Variants in ARHGAP10 observed in about 807,000 individuals in gnomAD.
ARHGAP10 encodes Rho GTPase activating protein 10, also known as rho GTPase-activating protein 10.
Under a neutral mutation model 108.6 loss-of-function variants are expected in ARHGAP10, and 87 were observed. That is an observed-to-expected ratio of 0.80 (90% CI 0.67 to 0.96). ARHGAP10 has a LOEUF of 0.96. ARHGAP10 is among the 40% of genes least tolerant of loss of function. The pLI, the probability that ARHGAP10 is intolerant of heterozygous loss-of-function variation, is 0.00. For synonymous variants in ARHGAP10, 347 were observed against 341.1 expected (o/e 1.02, Z -0.19); for missense variants, 939 against 954.5 (o/e 0.98, Z 0.21).
intron 3 of ARHGAP10, among the ~76,000 whole-genome samples, chr4:147,845,089 C>G (rs536683197): frequency 1.6e-4 from 25 of 152,316 alleles, no homozygotes; most frequent in Non-Finnish European, 3.2e-4. Flanking sequence ...TGCTCAAACT[C>G]CTCACCTTCA....
chr4:148,045,020 T>G (rs1337967186), intron 19 of ARHGAP10, among the ~76,000 whole-genome samples: 1 of 152,168 alleles, frequency 6.6e-6, no homozygotes, highest in Non-Finnish European at 1.5e-5. Flanking sequence ...AACTGCCCTG[T>G]GGAGATACGG....
intron 10 of ARHGAP10, among the ~76,000 whole-genome samples, chr4:147,900,243 A>G (rs989053192): frequency 6.6e-6 from 1 of 152,160 alleles, no homozygotes; most frequent in Admixed American, 6.5e-5. Context: ...TGGTGATACC[A>G]TGTATTTGTA....
At chr4:147,866,690 C>T (rs1386145123) in intron 6 of ARHGAP10, 22 bp from the exon 7 acceptor site, 6 of 1,563,892 alleles carry the variant, frequency 3.8e-6, no homozygotes, top group African/African-American at 1.4e-5. Flanking sequence ...GTGCTAATAT[C>T]TCTTTTCTTC....
chr4:148,038,924 A>G (rs1287201968), intron 19 of ARHGAP10, among the ~76,000 whole-genome samples: 2 of 135,234 alleles, frequency 1.5e-5, no homozygotes, highest in South Asian at 2.1e-4. Flanking sequence ...TTTTGTTTCT[A>G]AAGTGGTGCC....
intron 1 of ARHGAP10, among the ~76,000 whole-genome samples, chr4:147,815,833 G>A (rs1377512213): frequency 3.3e-5 from 5 of 152,172 alleles, no homozygotes; most frequent in African/African-American, 7.2e-5. Flanking sequence ...GCCACTGCAC[G>A]CTAGTCTAGG....
intron 1 of ARHGAP10, among the ~76,000 whole-genome samples, chr4:147,793,568 A>G (rs1234248791): frequency 6.6e-6 from 1 of 152,190 alleles, no homozygotes; most frequent in Non-Finnish European, 1.5e-5. Context: ...AAGTTTGTCC[A>G]TCTCAGCCTG....
At position 147,965,684 on chromosome 4, in the gene ARHGAP10, C is replaced by G. The variant is rs138079760; in HGVS notation, c.1556+555C>G. Among the ~76,000 whole-genome samples, 61 of 152,216 alleles carry G rather than the reference C, an allele frequency of 4.0e-4. No homozygotes were observed. In the East Asian group the frequency reaches 0.011, roughly 28 times the overall value. On this transcript the variant is annotated intron_variant, in intron 17 of 22. Coordinates refer to ENST00000336498, the MANE Select transcript of ARHGAP10 (RefSeq NM_024605.4). Reference sequence around the variant, plus strand: ...TTTTACATATAAAGAAAATGAAGGTCAGAAGATACTGTGATTTGCCAAGGG... The same window carrying G: ...TTTTACATATAAAGAAAATGAAGGTGAGAAGATACTGTGATTTGCCAAGGG...
chr4:147,781,129 C>T (rs1272471486), intron 1 of ARHGAP10, among the ~76,000 whole-genome samples: 4 of 152,020 alleles, frequency 2.6e-5, no homozygotes, highest in Non-Finnish European at 4.4e-5. Flanking sequence ...GAGGCTGAGG[C>T]GGGCGGATCA....
intron 18 of ARHGAP10, among the ~76,000 whole-genome samples, chr4:148,008,974 C>A (rs1222981013): frequency 6.6e-6 from 1 of 151,942 alleles, no homozygotes; most frequent in Non-Finnish European, 1.5e-5. Context: ...TTGGAAAAAT[C>A]ATTATGTTAA....
intron 10 of ARHGAP10, among the ~76,000 whole-genome samples, chr4:147,899,842 A>C (rs1051663902): frequency 2.0e-5 from 3 of 150,000 alleles, no homozygotes; most frequent in African/African-American, 7.3e-5. Flanking sequence ...CCCTTCTCAT[A>C]ATAAAATGTA....
intron 10 of ARHGAP10, among the ~76,000 whole-genome samples, chr4:147,894,830 A>C (rs1418925182): frequency 3.3e-5 from 5 of 152,084 alleles, no homozygotes; most frequent in Non-Finnish European, 7.4e-5. Flanking sequence ...AAATCACTTG[A>C]CTGTGCATCT....
intron 8 of ARHGAP10, among the ~76,000 whole-genome samples, chr4:147,876,625 A>G (rs1476801347): frequency 6.6e-6 from 1 of 151,976 alleles, no homozygotes; most frequent in Non-Finnish European, 1.5e-5. Flanking sequence ...AAAACAAAAA[A>G]CCACCTCGAT....
intron 18 of ARHGAP10, among the ~76,000 whole-genome samples, chr4:147,973,704 T>C (rs1739495869): frequency 6.6e-6 from 1 of 152,198 alleles, no homozygotes; most frequent in Non-Finnish European, 1.5e-5. Context: ...CTCCCCAGCC[T>C]CTGGTAACCA....
At chr4:147,784,549 T>C (rs1319498318) in intron 1 of ARHGAP10, among the ~76,000 whole-genome samples, 5 of 117,128 alleles carry the variant, frequency 4.3e-5, no homozygotes, top group Non-Finnish European at 8.0e-5. Context: ...TTTTATAGTA[T>C]ATATTATATA....
At chr4:147,790,233 A>G (rs1179214314) in intron 1 of ARHGAP10, among the ~76,000 whole-genome samples, 1 of 152,032 alleles carries the variant, frequency 6.6e-6, no homozygotes, top group Non-Finnish European at 1.5e-5. Context: ...GAGAAAACAC[A>G]TGCTTGAGTC....
chr4:147,904,174 T>G (rs763210836), intron 10 of ARHGAP10, among the ~76,000 whole-genome samples: 3 of 152,178 alleles, frequency 2.0e-5, no homozygotes, highest in Non-Finnish European at 2.9e-5. Flanking sequence ...GTATTTCATT[T>G]TAATTTGCAT....
intron 1 of ARHGAP10, among the ~76,000 whole-genome samples, chr4:147,815,383 A>C (rs548523122): frequency 6.6e-6 from 1 of 152,110 alleles, no homozygotes; most frequent in Non-Finnish European, 1.5e-5. Context: ...TCCTGTCCTA[A>C]TCATCCCTGG....
At chr4:148,035,372 G>A (rs1346212052) in intron 19 of ARHGAP10, among the ~76,000 whole-genome samples, 1 of 152,134 alleles carries the variant, frequency 6.6e-6, no homozygotes, top group African/African-American at 2.4e-5. Flanking sequence ...TAGTTTTGGG[G>A]GGAATGCAGA....
At chr4:147,864,985 G>C in intron 6 of ARHGAP10, 29 bp downstream of exon 6, 1 of 1,568,948 alleles carries the variant, frequency 6.4e-7, no homozygotes, top group Non-Finnish European at 8.8e-7. Flanking sequence ...TTTGCTGGTG[G>C]ATTTTTGCAA....
Sources: allele counts gnomAD v4.1 joint callset (sites outside exome capture counted in the v4.1 genomes callset), GRCh38; gene constraint gnomAD v4.1.1; transcripts MANE v1.5; gene names NCBI Gene and HGNC (gene_info 2026-07-23, HGNC 2026-07-21).